SIGLEC6: variants seen among roughly 807,000 people sequenced by gnomAD.
SIGLEC6 encodes sialic acid binding Ig like lectin 6.
Under a neutral mutation model 41.4 loss-of-function variants are expected in SIGLEC6, and 31 were observed. The ratio of observed to expected loss-of-function variants is 0.75; its 90% CI spans 0.56 to 1.01. SIGLEC6 has a LOEUF of 1.01. Among genes scored for constraint, SIGLEC6 ranks in the 50% least tolerant of loss-of-function variants. The probability of loss-of-function intolerance (pLI) is 0.00; values close to 1 mark genes in which losing one functional copy is unlikely to be tolerated. For synonymous variants in SIGLEC6, 217 were observed against 231.0 expected, an observed-to-expected ratio of 0.94 and a Z score of 0.55; for missense variants, 555 against 558.6, an observed-to-expected ratio of 0.99 and a Z score of 0.06.
chr19:51,528,301 C>A, intron 5 of SIGLEC6, 48 bp from the exon 6 acceptor site: 1 of 1,497,488 alleles, frequency 6.7e-7, no homozygotes, highest in South Asian at 1.1e-5. Context: ...CCAGGACATC[C>A]TCCCAACAGC....
Position 51,519,811 on chromosome 19 carries a change from G to A in SIGLEC6, c.*271C>T. 1 of 211,340 alleles carries A rather than the reference G, an allele frequency of 4.7e-6. No individual in the cohort carries two copies. Among genetic ancestry groups the A allele is most frequent in the Non-Finnish European group, 9.3e-6 (1 of 106,962 alleles). 13.1% of individuals were successfully genotyped at this position (211,340 alleles called of 1,614,324 possible). A position where few individuals can be genotyped will look rare whatever the true frequency, so the allele number is the denominator to read the frequency against. On this transcript the variant is annotated 3_prime_UTR_variant, in exon 8 of 8. Coordinates refer to ENST00000425629, the MANE Select transcript of SIGLEC6 (RefSeq NM_001245.7). ...AATATGACTAGTGTCTTTATAAGAA[G>A]AGAAGATTAGGACACAAACACACTC...
chr19:51,530,656 C>T, intron 3 of SIGLEC6, 25 bp downstream of exon 3: 1 of 1,611,748 alleles, frequency 6.2e-7, no homozygotes, highest in Non-Finnish European at 8.5e-7. Context: ...CCTCAGGGAC[C>T]CGGGCGTCCT....
In SIGLEC6 at chr19:51,520,200, C is replaced by A. The variant is rs1990805548; in HGVS notation, c.1244G>T (p.Gly415Val). The change falls in exon 8 of 8, where the codon GGC becomes GTC. Residue 415 changes from glycine (G) to valine (V), a missense_variant. Gly to Val is a moderately radical substitution (Grantham distance 109). Transcript: ENST00000425629. ...GIVSDHPAEA[G>V]PISEDEQELH... is the part of the protein sequence containing the mutation. The stretch of plus-strand genomic sequence containing the variant: ...CTCCTGCTCATCTTCTGAGATGGGG[C>A]CAGCCTCAGCAGGGTGGTCTGAAAC... 6.2e-7 allele frequency: 1 copy of A among 1,608,368 alleles called. No homozygotes were observed.
rs765293154 is a variant in SIGLEC6 at position 51,531,268 on chromosome 19, T to G, written c.319A>C (p.Ser107Arg). Residue 107 changes from serine (S) to arginine (R), a missense_variant, in exon 2 of 8, where the codon AGC becomes CGC. By Grantham distance (110) the Ser-to-Arg change is moderately radical. Coordinates refer to ENST00000425629, the MANE Select transcript of SIGLEC6 (RefSeq NM_001245.7). ...WDPRRKNCSL[S>R]IRDARRRDNA... ...TCCCTCCTCCGGGCATCTCTGATGC[T>G]CAGGGAGCAGTTCTTCCTTCTGGGA... 6.2e-7 allele frequency: 1 copy of G among 1,614,012 alleles called. No homozygotes were observed. Among genetic ancestry groups the G allele is most frequent in the Admixed American group, 1.7e-5 (1 of 59,998 alleles).
chr19:51,530,234 G>A (rs1980023709), intron 4 of SIGLEC6, among the ~76,000 whole-genome samples: 2 of 152,336 alleles, frequency 1.3e-5, no homozygotes, highest in African/African-American at 4.8e-5. Context: ...GAGGCAGTAG[G>A]AAAACAAGCA....
At position 51,530,488 on chromosome 19, in the gene SIGLEC6, G is replaced by C; in HGVS notation, c.707-4C>G. Reference sequence around the variant, plus strand: ...ATGGCCACTTTCTGTGGAGCATCTGGGGTGGAAAGAGGTGGCCGCCTCAAC... The same window carrying C: ...ATGGCCACTTTCTGTGGAGCATCTGCGGTGGAAAGAGGTGGCCGCCTCAAC... On this transcript the variant is annotated splice_region_variant and splice_polypyrimidine_tract_variant and intron_variant, in intron 3 of 7. Transcript: ENST00000425629. 6.2e-7 allele frequency: 1 copy of C among 1,613,776 alleles called. No individual in the cohort carries two copies. The highest frequency in any genetic ancestry group is 1.1e-5 in the South Asian group (1 of 91,078).
chr19:51,530,771 G>T lies in SIGLEC6; in HGVS notation c.616C>A (p.Pro206Thr). Reference sequence around the variant, plus strand: ...GTGAGGTTGGTGCTGTGGTCCTGGGGCCGTGGGGTGATTGTGAGCACCGAG... The same window carrying T: ...GTGAGGTTGGTGCTGTGGTCCTGGGTCCGTGGGGTGATTGTGAGCACCGAG... ...QSSVLTITPRPQDHSTNLTCQ... is the reference protein window; with the variant it reads ...QSSVLTITPRTQDHSTNLTCQ... The change falls in exon 3 of 8, where the codon CCC becomes ACC. Residue 206 changes from proline (P) to threonine (T), a missense_variant. Pro to Thr is a conservative substitution (Grantham distance 38). Transcript: ENST00000425629. 1 of 1,614,150 alleles carries T rather than the reference G, an allele frequency of 6.2e-7. No homozygotes were observed. The highest frequency in any genetic ancestry group is 8.5e-7 in the Non-Finnish European group (1 of 1,180,012).
At chr19:51,529,535 C>A in intron 5 of SIGLEC6, 189 bp downstream of exon 5, 1 of 678,380 alleles carries the variant, frequency 1.5e-6, no homozygotes, top group South Asian at 1.9e-5. Context: ...CCAGAATCTC[C>A]TCCCCAAGCT....
chr19:51,528,356 C>T (rs1979593303), intron 5 of SIGLEC6, 103 bp from the exon 6 acceptor site: 2 of 916,282 alleles, frequency 2.2e-6, no homozygotes, highest in Non-Finnish European at 3.5e-6. Context: ...CCATCCAGGA[C>T]TCAGTCACTC....
At chr19:51,528,291 C>A in intron 5 of SIGLEC6, 38 bp from the exon 6 acceptor site, 1 of 1,546,826 alleles carries the variant, frequency 6.5e-7, no homozygotes, top group African/African-American at 1.4e-5. Flanking sequence ...AGTTCTAATT[C>A]CAGGACATCC....
chr19:51,525,193 G>A (rs981467260), intron 7 of SIGLEC6, among the ~76,000 whole-genome samples: 6 of 152,078 alleles, frequency 3.9e-5, no homozygotes, highest in East Asian at 1.9e-4. Flanking sequence ...GCTACAGCTC[G>A]CCAGAGAAAG....
intron 3 of SIGLEC6, 54 bp from the exon 4 acceptor site, chr19:51,530,538 T>G (rs765099876): frequency 6.2e-7 from 1 of 1,611,016 alleles, no homozygotes; most frequent in Non-Finnish European, 8.5e-7. Context: ...ATGGTAGGCA[T>G]GGGGCCTTCC....
At chr19:51,526,044 T>C (rs1461344642) in intron 7 of SIGLEC6, among the ~76,000 whole-genome samples, 1 of 151,982 alleles carries the variant, frequency 6.6e-6, no homozygotes, top group East Asian at 1.9e-4. Flanking sequence ...GTCCCCCTGC[T>C]TGGGCCCACA....
At chr19:51,528,092 G>A in intron 6 of SIGLEC6, 68 bp downstream of exon 6, 2 of 1,429,412 alleles carry the variant, frequency 1.4e-6, no homozygotes, top group Non-Finnish European at 2.0e-6. Context: ...CAGGTTTTCT[G>A]AGATTCTGCC....
chr19:51,520,537 C>T (rs1990842590), intron 7 of SIGLEC6, among the ~76,000 whole-genome samples: 1 of 151,998 alleles, frequency 6.6e-6, no homozygotes, highest in African/African-American at 2.4e-5. Context: ...TACAGGCATG[C>T]ACCCCACCTG....
intron 7 of SIGLEC6, among the ~76,000 whole-genome samples, chr19:51,527,487 A>G (rs993099150): frequency 2.4e-5 from 3 of 123,158 alleles, no homozygotes; most frequent in African/African-American, 9.3e-5. Flanking sequence ...ATAATCTGAC[A>G]TATGAGGAGC....
chr19:51,527,069 T>C (rs1274752013), intron 7 of SIGLEC6, among the ~76,000 whole-genome samples: 5 of 152,282 alleles, frequency 3.3e-5, no homozygotes, highest in South Asian at 2.1e-4. Flanking sequence ...CTACAACTCA[T>C]TGGCATCCCT....
chr19:51,521,139 C>A (rs1400387606), intron 7 of SIGLEC6, among the ~76,000 whole-genome samples: 1 of 152,144 alleles, frequency 6.6e-6, no homozygotes, highest in Non-Finnish European at 1.5e-5. Flanking sequence ...CAGTACAGGC[C>A]ACCGGACGCC....
At chr19:51,523,033 G>A (rs1978550280) in intron 7 of SIGLEC6, among the ~76,000 whole-genome samples, 2 of 152,208 alleles carry the variant, frequency 1.3e-5, no homozygotes, top group South Asian at 4.1e-4. Flanking sequence ...ATAGCTATTT[G>A]AAAGGCTGAG....
Sources: allele counts gnomAD v4.1 joint callset (sites outside exome capture counted in the v4.1 genomes callset), GRCh38; gene constraint gnomAD v4.1.1; transcripts MANE v1.5; gene names NCBI Gene and HGNC (gene_info 2026-07-23, HGNC 2026-07-21).